Variants in BMP1 observed in about 807,000 individuals in gnomAD.
BMP1 encodes the protein mammalian tolloid protein.
BMP1 carries 63 observed loss-of-function variants against 116.8 expected under a neutral mutation model. The observed-to-expected ratio is 0.54, with a 90% confidence interval of 0.44 to 0.67. The LOEUF (loss-of-function observed/expected upper bound fraction) is 0.67. BMP1 is among the 30% of genes least tolerant of loss of function. The pLI is 0.00. For missense variants in BMP1, 1,183 were observed against 1,358.9 expected, an observed-to-expected ratio of 0.87 and a Z score of 2.04; for synonymous variants, 536 against 533.4, an observed-to-expected ratio of 1.00 and a Z score of -0.07.
rs750963082 is a variant in BMP1, at chr8:22,194,630, A to G, written c.1443+40A>G. On this transcript the variant is annotated intron_variant, in intron 11 of 19. Coordinates refer to ENST00000306385, the MANE Select transcript of BMP1 (RefSeq NM_006129.5). The surrounding 1 kb of genome is among the most constrained non-coding windows in gnomAD (Gnocchi z 4.5). ...CTGTGATCTGACCTTTGAATCCAGCAGTTGCTCCCTGGGACAGCTGCCTCT... is the reference window on the plus strand; with the variant it reads ...CTGTGATCTGACCTTTGAATCCAGCGGTTGCTCCCTGGGACAGCTGCCTCT... 3 of 1,609,316 alleles carry G rather than the reference A, an allele frequency of 1.9e-6. No homozygotes were observed. Among genetic ancestry groups the G allele is most frequent in the South Asian group, 1.1e-5 (1 of 90,616 alleles).
chr8:22,207,641 TG>T, intron 18 of BMP1, 125 bp downstream of exon 18: 2 of 1,113,566 alleles, frequency 1.8e-6, no homozygotes, highest in Admixed American at 2.3e-5. Flanking sequence ...GCCAGGGTTG[TG>T]GGTGATGCAA....
At chr8:22,176,396 G>A (rs1270390041) in intron 3 of BMP1, 83 bp downstream of exon 3, 2 of 1,557,144 alleles carry the variant, frequency 1.3e-6, no homozygotes, top group African/African-American at 1.4e-5. Context: ...CGGAGGCGTG[G>A]GTGCCACCTG....
chr8:22,199,758 C>A (rs916019332), intron 15 of BMP1, among the ~76,000 whole-genome samples: 2 of 152,112 alleles, frequency 1.3e-5, no homozygotes, highest in Non-Finnish European at 2.9e-5. Flanking sequence ...TGCCCTTCAC[C>A]CCCACATTTT....
At chr8:22,201,524 T>C in intron 15 of BMP1, 1 of 1,409,368 alleles carries the variant, frequency 7.1e-7, no homozygotes, top group Non-Finnish European at 9.2e-7. Context: ...TGTCCATCTG[T>C]CCAGTAAGCA....
At position 22,194,965 on chromosome 8, in the gene BMP1, T is replaced by C; in HGVS notation, c.1639+46T>C. 1.3e-6 allele frequency: 2 copies of C among 1,532,796 alleles called. No individual in the cohort carries two copies. The highest frequency in any genetic ancestry group is 2.2e-5 in the East Asian group (1 of 44,450). 94.9% of individuals were successfully genotyped at this position (1,532,796 alleles called of 1,614,324 possible). On this transcript the variant is annotated intron_variant, in intron 12 of 19. Coordinates refer to ENST00000306385, the MANE Select transcript of BMP1 (RefSeq NM_006129.5). This position sits in a 1 kb window ranked among gnomAD's most constrained non-coding sequence, Gnocchi z 4.5. ...CCCTGCCCCAAGGTGCCTCGTGACC[T>C]TCATCCCTTCTTCACTCACTCATTC...
chr8:22,181,963 T>C (rs551373251), intron 8 of BMP1, among the ~76,000 whole-genome samples: 15 of 152,288 alleles, frequency 9.8e-5, no homozygotes, highest in African/African-American at 3.1e-4. Flanking sequence ...CTCTTTCCCA[T>C]GTCAGCCCTC....
At chr8:22,185,080 A>G (rs1419881271) in intron 8 of BMP1, among the ~76,000 whole-genome samples, 1 of 152,208 alleles carries the variant, frequency 6.6e-6, no homozygotes, top group Non-Finnish European at 1.5e-5. Context: ...CACTCTTGTA[A>G]TTAGCAGCTG....
In BMP1 at chr8:22,194,280, G is replaced by A. The variant is rs1829014569; in HGVS notation, c.1297+106G>A. ...GGGGCAAGATTGTGGGTTCCCAAGG[G>A]AAGAAGCAGAGAGAATGATGGGATT... is the stretch of plus-strand genomic sequence containing the variant. On this transcript the variant is annotated intron_variant, in intron 10 of 19. Coordinates refer to ENST00000306385, the MANE Select transcript of BMP1 (RefSeq NM_006129.5). This position sits in a 1 kb window ranked among gnomAD's most constrained non-coding sequence, Gnocchi z 4.5. 2.7e-6 allele frequency: 4 copies of A among 1,466,316 alleles called. No homozygotes were observed. The highest frequency in any genetic ancestry group is 3.8e-6 in the Non-Finnish European group (4 of 1,055,488). The allele number at this position is 1,466,316 out of a possible 1,614,324, so 90.8% of individuals were successfully genotyped here.
At position 22,210,364 on chromosome 8, in the gene BMP1, CTTCTT is replaced by C. The variant is rs1200433366; in HGVS notation, c.2826+672_2826+676del. 7.3e-4 allele frequency among the ~76,000 whole-genome samples: 95 copies of C among 130,472 alleles called. 1 individual carries two copies. Among genetic ancestry groups the C allele is most frequent in the African/African-American group, 2.9e-3 (87 of 30,048 alleles). 85.6% of individuals were successfully genotyped at this position (130,472 alleles called of 152,430 possible). A position where few individuals can be genotyped will look rare whatever the true frequency, so the allele number is the denominator to read the frequency against. The stretch of plus-strand genomic sequence containing the variant: ...CTGTAAGAGCTTGCAGCTGCCTCTT[CTTCTT>C]TTTTTTTTTTTTTTTTTGTCCTTTC... On this transcript the variant is annotated intron_variant, in intron 19 of 19. Coordinates refer to ENST00000306385, the MANE Select transcript of BMP1 (RefSeq NM_006129.5).
At chr8:22,180,064 T>C (rs1404298877) in intron 7 of BMP1, among the ~76,000 whole-genome samples, 1 of 151,720 alleles carries the variant, frequency 6.6e-6, no homozygotes, top group African/African-American at 2.4e-5. Flanking sequence ...GGGGCGGAAG[T>C]GGGGAGAACA....
In BMP1 at chr8:22,177,741, ACT is replaced by A. The variant is rs779347928; in HGVS notation, c.731-105_731-104del. On this transcript the variant is annotated intron_variant, in intron 5 of 19. Transcript: ENST00000306385. ...GCTCCCCGGACCCTCAGGTAGGGGG[ACT>A]CTCTCAGATACAGGAAGGACTCCAT... The A allele has an allele frequency of 5.1e-5, 42 of 819,652 alleles. No homozygotes were observed. The African/African-American group carries it at 5.6e-4, about 11-fold the overall frequency. 50.8% of individuals were successfully genotyped at this position (819,652 alleles called of 1,614,324 possible). A position where few individuals can be genotyped will look rare whatever the true frequency, so the allele number is the denominator to read the frequency against.
intron 8 of BMP1, among the ~76,000 whole-genome samples, chr8:22,188,511 C>T (rs766563261): frequency 1.6e-4 from 24 of 152,168 alleles, no homozygotes; most frequent in Non-Finnish European, 2.1e-4. Context: ...TTAAGGAAGC[C>T]GAGCCACAGG....
intron 6 of BMP1, among the ~76,000 whole-genome samples, chr8:22,178,667 G>A (rs937594584): frequency 6.6e-6 from 1 of 152,048 alleles, no homozygotes; most frequent in Non-Finnish European, 1.5e-5. Flanking sequence ...GCCCAGCTCC[G>A]AAGCACATCC....
chr8:22,207,947 G>C (rs1216070286), intron 18 of BMP1, among the ~76,000 whole-genome samples: 1 of 151,920 alleles, frequency 6.6e-6, no homozygotes, highest in African/African-American at 2.4e-5. Context: ...GCAGTGGTTC[G>C]ATCTTGGTTC....
chr8:22,178,125 C>T (rs1290167477), intron 6 of BMP1, among the ~76,000 whole-genome samples, 168 bp downstream of exon 6: 1 of 152,204 alleles, frequency 6.6e-6, no homozygotes, highest in Admixed American at 6.5e-5. Context: ...GCCTGCCCTC[C>T]TGTCCTCTTC....
At chr8:22,197,503 C>T in intron 15 of BMP1, 83 bp downstream of exon 15, 4 of 1,441,238 alleles carry the variant, frequency 2.8e-6, no homozygotes, top group Non-Finnish European at 2.8e-6. Context: ...CACCCCTGTA[C>T]TCCCCAGCCC....
intron 15 of BMP1, chr8:22,201,454 A>G: frequency 7.1e-7 from 1 of 1,400,960 alleles, no homozygotes; most frequent in Non-Finnish European, 9.2e-7. Context: ...TAAAAGAGGG[A>G]CCCCTGCGTC....
rs1418414343 is a variant in BMP1 at position 22,209,434 on chromosome 8, G to T, written c.2576-11G>T. On this transcript the variant is annotated splice_polypyrimidine_tract_variant and intron_variant, in intron 18 of 19. Transcript: ENST00000306385. ...TGCTCAGGGCTGGTTGGCCCCTCTTGTCCCCTACAGAGTGCGGGGGCCAGG... is the reference window on the plus strand; with the variant it reads ...TGCTCAGGGCTGGTTGGCCCCTCTTTTCCCCTACAGAGTGCGGGGGCCAGG... The T allele has an allele frequency of 4.3e-6, 7 of 1,613,572 alleles. No individual in the cohort carries two copies. The highest frequency in any genetic ancestry group is 5.9e-6 in the Non-Finnish European group (7 of 1,179,712).
Position 22,206,998 on chromosome 8 carries a change from C to T in BMP1, c.2361+17C>T. The T allele has an allele frequency of 6.2e-7, 1 of 1,613,556 alleles. No individual in the cohort carries two copies. Among genetic ancestry groups the T allele is most frequent in the Non-Finnish European group, 8.5e-7 (1 of 1,179,802 alleles). On this transcript the variant is annotated intron_variant, in intron 17 of 19. Transcript: ENST00000306385. ...GTCAAGCTGGTAAGGGGTCCCCTCC[C>T]CACTCCTTATGCGGTGTGGCTGCCC...
Sources: gnomAD v4.1 joint callset for allele counts (sites outside exome capture counted in the v4.1 genomes callset) on GRCh38, gnomAD v4.1.1 for gene constraint, Gnocchi (gnomAD v3.1) non-coding constraint, MANE v1.5 for transcripts, NCBI Gene and HGNC (gene_info 2026-07-23, HGNC 2026-07-21) for gene names.